The following COPG2 variants were observed in gnomAD, a reference collection of about 807,000 sequenced individuals.
COPG2 encodes the protein coatomer subunit gamma-2.
COPG2 carries 37 observed loss-of-function variants against 46.3 expected under a neutral mutation model. The ratio of observed to expected loss-of-function variants is 0.80; its 90% confidence interval spans 0.61 to 1.05. The LOEUF is 1.05. COPG2 is among the 50% of genes least tolerant of loss of function. The pLI, the probability that COPG2 is intolerant of heterozygous loss-of-function variation, is 0.00. For missense variants in COPG2, 427 were observed against 387.8 expected, an observed-to-expected ratio of 1.10 and a Z score of -0.85; for synonymous variants, 159 against 129.7, an observed-to-expected ratio of 1.23 and a Z score of -1.53.
chr7:130,651,952 T>C (rs1267301760), intron 5 of COPG2, among the ~76,000 whole-genome samples: 1 of 152,202 alleles, frequency 6.6e-6, no homozygotes, highest in African/African-American at 2.4e-5. Flanking sequence ...GTCTGGCACA[T>C]AAAATGTTCT....
chr7:130,668,492 G>T, intron 1 of COPG2, 140 bp downstream of exon 1: 1 of 604,932 alleles, frequency 1.7e-6, no homozygotes, highest in Non-Finnish European at 2.5e-6. Context: ...GCGAGGGGAG[G>T]GGAGGGGCCG....
At chr7:130,606,731 C>T (rs1794740060) in intron 9 of COPG2, among the ~76,000 whole-genome samples, 1 of 152,210 alleles carries the variant, frequency 6.6e-6, no homozygotes. Flanking sequence ...TCCCTGCAAT[C>T]TTCCCTTCCT....
intron 4 of COPG2, among the ~76,000 whole-genome samples, chr7:130,659,469 G>A (rs1248191680): frequency 2.0e-5 from 3 of 151,956 alleles, no homozygotes; most frequent in African/African-American, 7.3e-5. Context: ...ATTTGTAATA[G>A]GTAAAATGTG....
chr7:130,611,973 G>C (rs782069377), intron 8 of COPG2, among the ~76,000 whole-genome samples, 179 bp downstream of exon 8: 11 of 152,172 alleles, frequency 7.2e-5, no homozygotes, highest in Non-Finnish European at 1.5e-4. Context: ...AACACCTGAA[G>C]GGCAGTATTC....
intron 9 of COPG2, among the ~76,000 whole-genome samples, chr7:130,601,546 A>C (rs1294496815): frequency 1.3e-5 from 2 of 152,156 alleles, no homozygotes; most frequent in African/African-American, 2.4e-5. Flanking sequence ...CATCATTCTC[A>C]ACAAACTAAC....
chr7:130,574,047 G>T (rs781980656), intron 9 of COPG2, among the ~76,000 whole-genome samples: 2 of 152,080 alleles, frequency 1.3e-5, no homozygotes, highest in African/African-American at 4.8e-5. Context: ...ATATATGAAT[G>T]TTCAGAGCCA....
At chr7:130,659,356 A>AAAAAAAAAAAAAC (rs1554460336) in intron 4 of COPG2, among the ~76,000 whole-genome samples, 3 of 147,188 alleles carry the variant, frequency 2.0e-5, no homozygotes, top group African/African-American at 5.1e-5. Flanking sequence ...CTCCGTCTCA[A>AAAAAAAAAAAAAC]AAAAAAAAAA....
In COPG2 at chr7:130,555,132, C is replaced by A; in HGVS notation, c.1129G>T (p.Val377Leu). 2.5e-6 allele frequency: 1 copy of A among 398,358 alleles called. No homozygotes were observed. Among genetic ancestry groups the A allele is most frequent in the Non-Finnish European group, 4.4e-6 (1 of 225,968 alleles). 24.7% of individuals were successfully genotyped at this position (398,358 alleles called of 1,614,324 possible). ...FVSEISDEFKVVVVQAISALC... is the reference protein window; with the variant it reads ...FVSEISDEFKLVVVQAISALC... The stretch of plus-strand genomic sequence containing the variant: ...GCACTAATTGCCTGTACAACCACCA[C>A]CTGTAGAAAAACAAAAAGAATATTC... Residue 377 changes from valine (V) to leucine (L), a missense_variant and splice_region_variant, in exon 13 of 24, where the codon GTG (valine) becomes TTG (leucine). Coordinates refer to ENST00000425248, the MANE Select transcript of COPG2 (RefSeq NM_012133.6).
chr7:130,591,180 G>A (rs1347268809), intron 9 of COPG2, among the ~76,000 whole-genome samples: 3 of 142,452 alleles, frequency 2.1e-5, no homozygotes, highest in Admixed American at 6.8e-5. Context: ...CGCCCCGTCC[G>A]GGAGGTGAGG....
At chr7:130,574,566 C>T (rs1233747457) in intron 9 of COPG2, among the ~76,000 whole-genome samples, 1 of 152,148 alleles carries the variant, frequency 6.6e-6, no homozygotes, top group Non-Finnish European at 1.5e-5. Context: ...CTAGACCTTC[C>T]CTCTGACAGA....
At chr7:130,584,571 T>A (rs969621328) in intron 9 of COPG2, among the ~76,000 whole-genome samples, 10 of 152,010 alleles carry the variant, frequency 6.6e-5, no homozygotes, top group Non-Finnish European at 1.5e-4. Context: ...TAAAGACTCC[T>A]CCAGAAATCT....
intron 5 of COPG2, among the ~76,000 whole-genome samples, chr7:130,627,278 A>G (rs1795135951): frequency 6.6e-6 from 1 of 152,236 alleles, no homozygotes; most frequent in South Asian, 2.1e-4. Flanking sequence ...AAGAGAACGC[A>G]GATAAGCTGT....
chr7:130,550,697 C>T (rs1584970635), intron 16 of COPG2, 48 bp from the exon 17 acceptor site: 2 of 391,964 alleles, frequency 5.1e-6, no homozygotes, highest in South Asian at 2.7e-4. Context: ...TGCCAATCCT[C>T]GAATCCAAAT....
chr7:130,561,921 T>G, intron 11 of COPG2, among the ~76,000 whole-genome samples: 1 of 152,310 alleles, frequency 6.6e-6, no homozygotes, highest in East Asian at 1.9e-4. Flanking sequence ...TTTTTAATGG[T>G]GGGATGCTGC....
At chr7:130,663,076 G>T in intron 3 of COPG2, 38 bp from the exon 4 acceptor site, 5 of 1,215,024 alleles carry the variant, frequency 4.1e-6, no homozygotes, top group Non-Finnish European at 4.6e-6. Context: ...ATTTTAAAAA[G>T]TGTATATTCA....
intron 9 of COPG2, among the ~76,000 whole-genome samples, chr7:130,608,731 C>A (rs1794783127): frequency 6.6e-6 from 1 of 152,020 alleles, no homozygotes; most frequent in Non-Finnish European, 1.5e-5. Context: ...AAAAAGGCGA[C>A]TTTCAAGCTT....
At chr7:130,615,273 G>A (rs1202258078) in intron 6 of COPG2, among the ~76,000 whole-genome samples, 4 of 152,178 alleles carry the variant, frequency 2.6e-5, no homozygotes, top group African/African-American at 4.8e-5. Flanking sequence ...CTGGATTATC[G>A]CTCCTGTTGG....
At chr7:130,601,398 G>C (rs1794629149) in intron 9 of COPG2, among the ~76,000 whole-genome samples, 1 of 152,144 alleles carries the variant, frequency 6.6e-6, no homozygotes, top group Non-Finnish European at 1.5e-5. Flanking sequence ...CAATAGCAAA[G>C]ACTTGGAACC....
At chr7:130,542,884 G>A (rs1793361669) in intron 20 of COPG2, among the ~76,000 whole-genome samples, 1 of 152,156 alleles carries the variant, frequency 6.6e-6, no homozygotes, top group Non-Finnish European at 1.5e-5. Flanking sequence ...CAAAGTGGGG[G>A]CACTGGCAAA....
Sources: gnomAD v4.1 joint callset for allele counts (sites outside exome capture counted in the v4.1 genomes callset) on GRCh38, gnomAD v4.1.1 for gene constraint, MANE v1.5 for transcripts, NCBI Gene and HGNC (gene_info 2026-07-23, HGNC 2026-07-21) for gene names.